Variants in PIGF observed in about 807,000 individuals in gnomAD.
PIGF encodes GPI ethanolamine phosphate transferase, stabilizing subunit.
Under a neutral mutation model 26.0 loss-of-function variants are expected in PIGF, and 23 were observed. The observed-to-expected ratio is 0.88, with a 90% CI of 0.64 to 1.25. The LOEUF is 1.25. Among genes scored for constraint, PIGF ranks in the 50% most tolerant of loss-of-function variants. The pLI is 0.00. For synonymous variants in PIGF, 93 were observed against 92.6 expected, an observed-to-expected ratio of 1.00 and a Z score of -0.03; for missense variants, 278 against 249.9, an observed-to-expected ratio of 1.11 and a Z score of -0.76.
chr2:46,583,064 G>A (rs990434042), intron 5 of PIGF: 5 of 152,068 alleles, frequency 3.3e-5, no homozygotes, highest in African/African-American at 1.2e-4. Flanking sequence ...TAGCTGAGTT[G>A]TCCAACACAT....
intron 4 of PIGF, among the ~76,000 whole-genome samples, chr2:46,610,971 C>G (rs1177807717): frequency 6.6e-6 from 1 of 152,134 alleles, no homozygotes; most frequent in Non-Finnish European, 1.5e-5. Context: ...TGCTTTTATC[C>G]ATTCTCCTTG....
intron 3 of PIGF, among the ~76,000 whole-genome samples, chr2:46,613,118 A>C (rs1670480412): frequency 6.6e-6 from 1 of 151,876 alleles, no homozygotes; most frequent in African/African-American, 2.4e-5. Flanking sequence ...GTATCTCATC[A>C]CTCATTTCAC....
chr2:46,601,353 A>C (rs1277454626), intron 4 of PIGF, among the ~76,000 whole-genome samples: 1 of 152,132 alleles, frequency 6.6e-6, no homozygotes. Context: ...CTCCACTGGA[A>C]TTCATTACAT....
chr2:46,613,357 G>T (rs1173390525), intron 3 of PIGF, among the ~76,000 whole-genome samples: 1 of 152,048 alleles, frequency 6.6e-6, no homozygotes, highest in African/African-American at 2.4e-5. Flanking sequence ...ACATTTATAA[G>T]AACTGATATG....
At chr2:46,608,219 A>G (rs1458573424) in intron 4 of PIGF, among the ~76,000 whole-genome samples, 1 of 152,224 alleles carries the variant, frequency 6.6e-6, no homozygotes, top group African/African-American at 2.4e-5. Flanking sequence ...CATTTCAACA[A>G]TATTCATGGC....
chr2:46,613,874 C>T (rs1056020415), intron 2 of PIGF, 89 bp from the exon 3 acceptor site: 32 of 1,108,886 alleles, frequency 2.9e-5, no homozygotes, highest in Admixed American at 1.1e-4. Context: ...CAACTTGTTC[C>T]CATAATGTGT....
At chr2:46,583,391 CATT>C (rs1433385218) in intron 5 of PIGF, among the ~76,000 whole-genome samples, 4 of 152,076 alleles carry the variant, frequency 2.6e-5, no homozygotes, top group Admixed American at 6.5e-5. Flanking sequence ...TCACAGTAAT[CATT>C]GTTGGATGTT....
rs1294032241 is a variant in PIGF, at chr2:46,615,122, A to G, written c.43T>C (p.Leu15=). The change falls in exon 2 of 6, where the codon TTA becomes CTA. Residue 15 remains leucine, a synonymous_variant. Transcript: ENST00000281382. ...CTTAGGATAATTGAAAATATGCATA[A>G]AAGATGGGTATACAGTAGTCTCTTG... ...DIKRLLYTHL[L]CIFSIILSVF... is the part of the protein sequence containing the mutation. 1 of 1,575,208 alleles carries G rather than the reference A, an allele frequency of 6.3e-7. No individual in the cohort carries two copies. The highest frequency in any genetic ancestry group is 2.2e-5 in the East Asian group (1 of 44,644).
rs202073909 is a variant in PIGF at position 46,580,950 on chromosome 2, A to G, written c.*528T>C. On this transcript the variant is annotated 3_prime_UTR_variant, in exon 6 of 6. Transcript: ENST00000281382. ...CAGATAGGAGCATGCTGCTATGTGG[A>G]ATGTTCAGCTTTAACCCAGAAGGGA... 1 of 1,529,720 alleles carries G rather than the reference A, an allele frequency of 6.5e-7. No individual in the cohort carries two copies. Among genetic ancestry groups the G allele is most frequent in the Non-Finnish European group, 8.7e-7 (1 of 1,144,614 alleles). The allele number at this position is 1,529,720 out of a possible 1,614,324, so 94.8% of individuals were successfully genotyped here. A position where few individuals can be genotyped will look rare whatever the true frequency, so the allele number is the denominator to read the frequency against.
chr2:46,609,180 G>C (rs1406616190), intron 4 of PIGF, among the ~76,000 whole-genome samples: 1 of 152,220 alleles, frequency 6.6e-6, no homozygotes, highest in Non-Finnish European at 1.5e-5. Context: ...AGCACTTGTT[G>C]CTTCACCTTG....
chr2:46,599,802 T>C (rs143256336), intron 4 of PIGF, among the ~76,000 whole-genome samples: 1 of 152,196 alleles, frequency 6.6e-6, no homozygotes, highest in Admixed American at 6.5e-5. Context: ...ATTCTTCATC[T>C]TCTGCACACC....
chr2:46,604,938 GTGTC>G (rs1462015436), intron 4 of PIGF, among the ~76,000 whole-genome samples: 1 of 151,876 alleles, frequency 6.6e-6, no homozygotes, highest in Non-Finnish European at 1.5e-5. Context: ...TATGCATTGT[GTGTC>G]TGTATCAAAA....
chr2:46,612,371 A>G, intron 3 of PIGF, 27 bp from the exon 4 acceptor site: 1 of 870,312 alleles, frequency 1.1e-6, no homozygotes, highest in Non-Finnish European at 1.8e-6. Context: ...ATTACTTTTT[A>G]AAAAAGTGTT....
At chr2:46,604,671 A>C (rs974655625) in intron 4 of PIGF, among the ~76,000 whole-genome samples, 2 of 151,930 alleles carry the variant, frequency 1.3e-5, no homozygotes, top group Admixed American at 6.6e-5. Context: ...AATTGAACTC[A>C]TGGAGATAGA....
intron 1 of PIGF, chr2:46,616,056 C>T (rs928749347): frequency 6.6e-6 from 1 of 151,934 alleles, no homozygotes; most frequent in Non-Finnish European, 1.5e-5. Flanking sequence ...CACACGCGCG[C>T]GCGCGCGTGG....
chr2:46,596,857 T>C (rs1274899128), intron 4 of PIGF, among the ~76,000 whole-genome samples: 2 of 152,208 alleles, frequency 1.3e-5, no homozygotes, highest in African/African-American at 2.4e-5. Flanking sequence ...GTCTACGTTA[T>C]GATGATTATA....
intron 5 of PIGF, 132 bp downstream of exon 5, chr2:46,592,343 G>C: frequency 1.6e-6 from 1 of 629,322 alleles, no homozygotes; most frequent in Non-Finnish European, 2.9e-6. Flanking sequence ...CCAGATTACA[G>C]TGACTGATAG....
At chr2:46,583,859 T>TA (rs1572764819) in intron 5 of PIGF, among the ~76,000 whole-genome samples, 1 of 152,234 alleles carries the variant, frequency 6.6e-6, no homozygotes, top group African/African-American at 2.4e-5. Context: ...TGAATGAACT[T>TA]ACAAGATATT....
chr2:46,610,640 C>T (rs1298182994), intron 4 of PIGF, among the ~76,000 whole-genome samples: 1 of 150,940 alleles, frequency 6.6e-6, no homozygotes, highest in African/African-American at 2.5e-5. Flanking sequence ...AGCAATTCTC[C>T]TGCCTCAGCT....
Sources: allele counts gnomAD v4.1 joint callset (sites outside exome capture counted in the v4.1 genomes callset), GRCh38; gene constraint gnomAD v4.1.1; transcripts MANE v1.5; gene names NCBI Gene and HGNC (gene_info 2026-07-23, HGNC 2026-07-21).